Variants in FARP2 observed in about 807,000 individuals in gnomAD.
FARP2 encodes FERM, ARHGEF and pleckstrin domain-containing protein 2.
Under a neutral mutation model 130.5 loss-of-function variants are expected in FARP2, and 111 were observed. The observed-to-expected ratio is 0.85, with a 90% CI of 0.73 to 1.00. The LOEUF is 1.00. FARP2 is among the 50% of genes least tolerant of loss of function. FARP2 has a pLI of 0.00. For missense variants in FARP2, 1,385 were observed against 1,346.3 expected (o/e 1.03, Z -0.45); for synonymous variants, 504 against 516.9 (o/e 0.98, Z 0.34).
rs961329083 is a variant in FARP2, at chr2:241,356,291, G to C, written c.-122G>C. On this transcript the variant is annotated 5_prime_UTR_variant, in exon 1 of 27. Transcript: ENST00000264042. ...GCGGGGGCTGCCGGCGGGCAGTTGG[G>C]AGCAGGCGACGCCGACGCGAGTCTG... 2.0e-5 allele frequency: 3 copies of C among 152,482 alleles called. No individual in the cohort carries two copies. The East Asian group carries it at 5.8e-4, about 29-fold the overall frequency. The allele number at this position is 152,482 out of a possible 1,614,324, so 9.4% of individuals were successfully genotyped here.
chr2:241,373,569 G>T (rs751834311), intron 2 of FARP2, among the ~76,000 whole-genome samples: 4 of 152,180 alleles, frequency 2.6e-5, no homozygotes, highest in Non-Finnish European at 5.9e-5. Flanking sequence ...GTGCAGACTG[G>T]AGCCAGATGG....
At chr2:241,468,456 G>C in intron 18 of FARP2, 79 bp downstream of exon 18, 1 of 1,069,226 alleles carries the variant, frequency 9.4e-7, no homozygotes, top group Non-Finnish European at 1.4e-6. Flanking sequence ...CAGACCTGAA[G>C]ACTTCCTTCA....
intron 14 of FARP2, among the ~76,000 whole-genome samples, chr2:241,460,087 G>A (rs1574870295): frequency 1.3e-5 from 2 of 152,180 alleles, no homozygotes; most frequent in Non-Finnish European, 2.9e-5. Flanking sequence ...ACTGTGGCTA[G>A]GAAGTTGTCC....
intron 8 of FARP2, among the ~76,000 whole-genome samples, chr2:241,423,914 TA>T (rs531481541): frequency 2.0e-5 from 3 of 152,206 alleles, no homozygotes; most frequent in Non-Finnish European, 4.4e-5. Flanking sequence ...CTAATTATCC[TA>T]AATATATATG....
chr2:241,456,654 C>A, intron 13 of FARP2, 93 bp from the exon 14 acceptor site: 2 of 1,232,886 alleles, frequency 1.6e-6, no homozygotes, highest in Non-Finnish European at 2.4e-6. Flanking sequence ...GTGAGGCTGG[C>A]GGTTGAATGG....
intron 13 of FARP2, among the ~76,000 whole-genome samples, chr2:241,449,395 A>G (rs1383625259): frequency 1.3e-5 from 2 of 152,256 alleles, no homozygotes; most frequent in Non-Finnish European, 2.9e-5. Flanking sequence ...TCAACCTTCA[A>G]CTTGACCTTG....
intron 12 of FARP2, among the ~76,000 whole-genome samples, chr2:241,438,792 G>GC (rs55984629): frequency 1 from 151,872 of 151,872 alleles, 75,936 homozygotes; most frequent in Non-Finnish European, 1. Context: ...ACCATGCCTG[G>GC]TAATTTTTTT....
chr2:241,402,773 C>G (rs867501153), intron 2 of FARP2, among the ~76,000 whole-genome samples: 1 of 138,464 alleles, frequency 7.2e-6, no homozygotes, highest in Middle Eastern at 3.8e-3. Flanking sequence ...CTCAGGTGAT[C>G]CTCCCACCTC....
chr2:241,398,268 C>T (rs567046714), intron 2 of FARP2, among the ~76,000 whole-genome samples: 4 of 152,206 alleles, frequency 2.6e-5, no homozygotes, highest in African/African-American at 9.6e-5. Flanking sequence ...AGAACAGGCT[C>T]CCTGTGCCTG....
intron 17 of FARP2, chr2:241,465,515 T>C (rs1559797867): frequency 6.4e-7 from 1 of 1,550,554 alleles, no homozygotes; most frequent in Non-Finnish European, 8.7e-7. Flanking sequence ...GAGTAGACTT[T>C]TGGATAGGCA....
intron 8 of FARP2, among the ~76,000 whole-genome samples, chr2:241,421,835 C>A (rs2062816394): frequency 6.6e-6 from 1 of 152,162 alleles, no homozygotes; most frequent in South Asian, 2.1e-4. Flanking sequence ...CAACTCCCAG[C>A]AAACTGCAGC....
rs768673527 is a variant in FARP2 at position 241,468,089 on chromosome 2, CT to C, written c.1894-50del. On this transcript the variant is annotated intron_variant, in intron 17 of 26. Coordinates refer to ENST00000264042, the MANE Select transcript of FARP2 (RefSeq NM_014808.4). ...TCAAGGAAAACAGGCCAGTCTCCCCCTGGACTCCTACATCTCCTCACCTAAA... is the reference window on the plus strand; with the variant it reads ...TCAAGGAAAACAGGCCAGTCTCCCCCGGACTCCTACATCTCCTCACCTAAA... 5 of 1,237,500 alleles carry C rather than the reference CT, an allele frequency of 4.0e-6. No individual in the cohort carries two copies. The South Asian group carries it at 4.8e-5, about 12-fold the overall frequency. 76.7% of individuals were successfully genotyped at this position (1,237,500 alleles called of 1,614,324 possible).
At chr2:241,366,131 A>ATATACGTG (rs1559702285) in intron 1 of FARP2, among the ~76,000 whole-genome samples, 22 of 136,014 alleles carry the variant, frequency 1.6e-4, no homozygotes, top group Non-Finnish European at 2.7e-4. Flanking sequence ...ACGTATATAT[A>ATATACGTG]TATATATACA....
intron 14 of FARP2, among the ~76,000 whole-genome samples, chr2:241,458,843 C>T (rs557135588): frequency 3.7e-4 from 56 of 152,356 alleles, no homozygotes; most frequent in Non-Finnish European, 7.6e-4. Context: ...CTGGGAGAAG[C>T]CTGTGAGTCA....
chr2:241,397,030 T>C (rs143109392), intron 2 of FARP2, among the ~76,000 whole-genome samples: 3,259 of 152,280 alleles, frequency 0.021, 107 homozygotes, highest in African/African-American at 0.068. Context: ...TCATGTCCTT[T>C]GTAGGGACAT....
intron 18 of FARP2, among the ~76,000 whole-genome samples, chr2:241,472,985 G>A (rs2064359174): frequency 6.6e-6 from 1 of 151,698 alleles, no homozygotes; most frequent in South Asian, 2.1e-4. Context: ...TTTCTGTGGG[G>A]ACCCTGTTCT....
At chr2:241,364,216 A>G (rs1451281169) in intron 1 of FARP2, among the ~76,000 whole-genome samples, 1 of 152,232 alleles carries the variant, frequency 6.6e-6, no homozygotes, top group East Asian at 1.9e-4. Flanking sequence ...GAAGTTTTCA[A>G]CGTAACATTT....
intron 13 of FARP2, 123 bp downstream of exon 13, chr2:241,441,679 G>T: frequency 1.5e-6 from 2 of 1,368,126 alleles, no homozygotes. Flanking sequence ...TTGTAAAAAT[G>T]ACAATGGTGG....
At chr2:241,474,838 A>AATAAATAAAAAG (rs1286652929) in intron 18 of FARP2, among the ~76,000 whole-genome samples, 6 of 149,894 alleles carry the variant, frequency 4.0e-5, no homozygotes, top group African/African-American at 1.5e-4. Context: ...TAAATAAATA[A>AATAAATAAAAAG]AAAGAAAGAA....
Sources: gnomAD v4.1 joint callset for allele counts (sites outside exome capture counted in the v4.1 genomes callset) on GRCh38, gnomAD v4.1.1 for gene constraint, MANE v1.5 for transcripts, NCBI Gene and HGNC (gene_info 2026-07-23, HGNC 2026-07-21) for gene names.